Variants in EXOC6B observed in about 807,000 individuals in gnomAD.
EXOC6B encodes SEC15 homolog B.
In EXOC6B, 54 loss-of-function variants were observed where a neutral mutation model predicts 113.5. That is an observed-to-expected ratio of 0.48 (90% CI 0.38 to 0.60). The LOEUF (loss-of-function observed/expected upper bound fraction) is 0.60. EXOC6B is among the 20% of genes least tolerant of loss of function. The pLI, the probability that EXOC6B is intolerant of heterozygous loss-of-function variation, is 0.00. For synonymous variants in EXOC6B, 357 were observed against 339.0 expected, an observed-to-expected ratio of 1.05 and a Z score of -0.58; for missense variants, 797 against 977.5, an observed-to-expected ratio of 0.82 and a Z score of 2.46.
intron 18 of EXOC6B, among the ~76,000 whole-genome samples, chr2:72,413,718 G>C (rs1465288633): frequency 6.6e-6 from 1 of 151,810 alleles, no homozygotes; most frequent in Non-Finnish European, 1.5e-5. Context: ...AGAAAAGATG[G>C]GGCCTCTCTA....
intron 1 of EXOC6B, among the ~76,000 whole-genome samples, chr2:72,765,134 A>G (rs956525707): frequency 5.3e-5 from 8 of 152,090 alleles, no homozygotes; most frequent in African/African-American, 9.6e-5. Context: ...TAGGAAGAAA[A>G]ATTTTTAAAA....
chr2:72,464,950 A>G, intron 18 of EXOC6B: 1 of 579,190 alleles, frequency 1.7e-6, no homozygotes, highest in Non-Finnish European at 3.0e-6. Flanking sequence ...AATACCAGGA[A>G]CCATTTTCAG....
chr2:72,542,964 G>C (rs865790165), intron 8 of EXOC6B, among the ~76,000 whole-genome samples: 1 of 152,184 alleles, frequency 6.6e-6, no homozygotes, highest in Non-Finnish European at 1.5e-5. Flanking sequence ...AGATCTGATT[G>C]GACATCTGAG....
At chr2:72,197,457 T>C (rs1679242452) in intron 20 of EXOC6B, among the ~76,000 whole-genome samples, 1 of 152,166 alleles carries the variant, frequency 6.6e-6, no homozygotes, top group African/African-American at 2.4e-5. Flanking sequence ...GGTTAGACTA[T>C]GCAGAGTACT....
chr2:72,721,846 T>G (rs916899131), intron 5 of EXOC6B: 1 of 152,110 alleles, frequency 6.6e-6, no homozygotes, highest in Non-Finnish European at 1.5e-5. Context: ...ATTTAATATC[T>G]GATATATCTT....
At chr2:72,651,156 C>G (rs985482026) in intron 6 of EXOC6B, among the ~76,000 whole-genome samples, 3 of 152,194 alleles carry the variant, frequency 2.0e-5, no homozygotes, top group African/African-American at 7.2e-5. Flanking sequence ...CTGTTTTAAT[C>G]TTTCAACTAC....
At chr2:72,798,692 G>A (rs1031976821) in intron 1 of EXOC6B, among the ~76,000 whole-genome samples, 3 of 151,938 alleles carry the variant, frequency 2.0e-5, no homozygotes, top group Non-Finnish European at 4.4e-5. Flanking sequence ...TTTATTTTAA[G>A]TTTTAAAGAC....
chr2:72,675,102 C>T (rs1013380532), intron 6 of EXOC6B, among the ~76,000 whole-genome samples: 1 of 152,210 alleles, frequency 6.6e-6, no homozygotes, highest in African/African-American at 2.4e-5. Flanking sequence ...TCTTGCTCTA[C>T]TATGATTTGT....
chr2:72,698,659 G>A (rs965373380), intron 6 of EXOC6B, among the ~76,000 whole-genome samples: 6 of 152,268 alleles, frequency 3.9e-5, no homozygotes, highest in East Asian at 3.9e-4. Context: ...CTAAACCAAC[G>A]TCTGAAAATA....
At chr2:72,696,241 A>C (rs892013363) in intron 6 of EXOC6B, among the ~76,000 whole-genome samples, 12 of 152,212 alleles carry the variant, frequency 7.9e-5, no homozygotes, top group Non-Finnish European at 1.8e-4. Context: ...TGCTCAGATA[A>C]ATAAAACTAG....
In EXOC6B at chr2:72,185,542, G is replaced by T. The variant is rs182826700; in HGVS notation, c.2197-1355C>A. On this transcript the variant is annotated intron_variant, in intron 20 of 21. Transcript: ENST00000272427. ...GGATTTTAGAGATGAGAGAAGGAGT[G>T]GGGGAGAGACAGGCACACTGGTTGG... is the stretch of plus-strand genomic sequence containing the variant. Among the ~76,000 whole-genome samples the T allele has an allele frequency of 1.8e-4, 28 of 152,330 alleles. No individual in the cohort carries two copies. In the East Asian group the frequency reaches 4.4e-3, roughly 24 times the overall value.
chr2:72,654,082 G>C (rs1457270774), intron 6 of EXOC6B, among the ~76,000 whole-genome samples: 1 of 151,204 alleles, frequency 6.6e-6, no homozygotes, highest in African/African-American at 2.4e-5. Flanking sequence ...CCATTCTCCT[G>C]CCTCAGCCTC....
At chr2:72,393,355 A>G (rs1276191897) in intron 18 of EXOC6B, among the ~76,000 whole-genome samples, 2 of 151,908 alleles carry the variant, frequency 1.3e-5, no homozygotes, top group Admixed American at 6.6e-5. Flanking sequence ...TGGCCTCTCA[A>G]AGTGCTGGGA....
At chr2:72,776,696 G>A (rs1683724165) in intron 1 of EXOC6B, among the ~76,000 whole-genome samples, 2 of 151,972 alleles carry the variant, frequency 1.3e-5, no homozygotes, top group Admixed American at 6.6e-5. Context: ...ATGGGGAGAT[G>A]TATTTATAAA....
intron 6 of EXOC6B, among the ~76,000 whole-genome samples, chr2:72,583,482 A>G (rs1027832966): frequency 2.6e-5 from 4 of 152,232 alleles, no homozygotes; most frequent in Non-Finnish European, 5.9e-5. Flanking sequence ...ATACAAAAGG[A>G]TACCCATGGG....
intron 1 of EXOC6B, among the ~76,000 whole-genome samples, chr2:72,789,031 G>A (rs1684530499): frequency 1.3e-5 from 2 of 152,132 alleles, no homozygotes; most frequent in Non-Finnish European, 2.9e-5. Context: ...TCTGGGTGTG[G>A]TGCCATGTTT....
intron 20 of EXOC6B, among the ~76,000 whole-genome samples, chr2:72,218,821 C>G (rs1401655285): frequency 6.6e-6 from 1 of 151,998 alleles, no homozygotes; most frequent in Non-Finnish European, 1.5e-5. Context: ...TGCCACCATG[C>G]CCAACTAATT....
At chr2:72,514,980 C>G in intron 9 of EXOC6B, 63 bp downstream of exon 9, 1 of 1,331,574 alleles carries the variant, frequency 7.5e-7, no homozygotes, top group East Asian at 2.5e-5. Context: ...CACACACACA[C>G]GCATCAAAAG....
chr2:72,734,316 A>G (rs1203599380), intron 2 of EXOC6B, among the ~76,000 whole-genome samples: 1 of 152,144 alleles, frequency 6.6e-6, no homozygotes, highest in African/African-American at 2.4e-5. Context: ...AAATCAGCAA[A>G]TTCCCTCTTT....
Sources: allele counts gnomAD v4.1 joint callset (sites outside exome capture counted in the v4.1 genomes callset), GRCh38; gene constraint gnomAD v4.1.1; transcripts MANE v1.5; gene names NCBI Gene and HGNC (gene_info 2026-07-23, HGNC 2026-07-21).